The following PGS1 variants were observed in gnomAD, a reference collection of about 807,000 sequenced individuals.
PGS1 encodes the protein CDP-diacylglycerol--glycerol-3-phosphate 3-phosphatidyltransferase, mitochondrial.
Under a neutral mutation model 58.3 loss-of-function variants are expected in PGS1, and 44 were observed. That is an observed-to-expected ratio of 0.75 (90% CI 0.59 to 0.97). The LOEUF is 0.97. Ranked by LOEUF, PGS1 falls within the 50% of genes least tolerant of loss-of-function variation. The pLI, the probability that PGS1 is intolerant of heterozygous loss-of-function variation, is 0.00. For synonymous variants in PGS1, 330 were observed against 311.0 expected, an observed-to-expected ratio of 1.06 and a Z score of -0.64; for missense variants, 684 against 731.1, an observed-to-expected ratio of 0.94 and a Z score of 0.74.
At chr17:78,423,929 C>G (rs775335572) in intron 9 of PGS1, 132 bp from the exon 10 acceptor site, 1 of 1,613,952 alleles carries the variant, frequency 6.2e-7, no homozygotes, top group Admixed American at 1.7e-5. Flanking sequence ...AGCAGCGCCA[C>G]GGCTGCCAGG....
At chr17:78,398,446 C>T (rs892224022) in intron 4 of PGS1, 95 bp downstream of exon 4, 1 of 830,740 alleles carries the variant, frequency 1.2e-6, no homozygotes, top group Admixed American at 2.0e-5. Flanking sequence ...CAGGCAGAGT[C>T]AAGGCTATTT....
At chr17:78,389,916 G>A (rs2082695600) in intron 1 of PGS1, among the ~76,000 whole-genome samples, 1 of 152,198 alleles carries the variant, frequency 6.6e-6, no homozygotes, top group African/African-American at 2.4e-5. Flanking sequence ...GTGCTGGGCT[G>A]CGGCTCTCAG....
intron 9 of PGS1, chr17:78,421,487 C>T (rs753179969): frequency 1.3e-5 from 2 of 152,458 alleles, no homozygotes; most frequent in African/African-American, 4.8e-5. Context: ...CCAGGCAGAC[C>T]TGCAGTTTGA....
At chr17:78,389,485 C>T (rs1266144780) in intron 1 of PGS1, among the ~76,000 whole-genome samples, 2 of 151,720 alleles carry the variant, frequency 1.3e-5, no homozygotes, top group Non-Finnish European at 1.5e-5. Context: ...ATGCCCGGCC[C>T]AATTTTTGTA....
intron 7 of PGS1, among the ~76,000 whole-genome samples, chr17:78,411,575 C>A (rs1461003887): frequency 6.6e-6 from 1 of 152,200 alleles, no homozygotes; most frequent in Non-Finnish European, 1.5e-5. Flanking sequence ...GCAGTCAGTC[C>A]CTTCCCAAAA....
chr17:78,419,355 T>C (rs2085484246), intron 8 of PGS1, among the ~76,000 whole-genome samples, 191 bp from the exon 9 acceptor site: 1 of 152,234 alleles, frequency 6.6e-6, no homozygotes, highest in South Asian at 2.1e-4. Context: ...TTCTAAGGAA[T>C]GTTTGACAGT....
chr17:78,389,178 G>A (rs974420581), intron 1 of PGS1, among the ~76,000 whole-genome samples: 2 of 146,626 alleles, frequency 1.4e-5, no homozygotes, highest in South Asian at 2.2e-4. Flanking sequence ...TTCTGCCTCA[G>A]CCACGGGCGG....
In PGS1 at chr17:78,404,301, T is replaced by TG. The variant is rs1555635104; in HGVS notation, c.1402+213dup. On this transcript the variant is annotated intron_variant, in intron 7 of 9. Transcript: ENST00000262764. ...GGAATTTTTTTTTTTTTTTTTTTTT[T>TG]GTGACAGTCTTGCTCTGTTTCCCAG... Among the ~76,000 whole-genome samples, 181 of 99,176 alleles carry TG rather than the reference T, an allele frequency of 1.8e-3. 1 individual carries two copies. Among genetic ancestry groups the TG allele is most frequent in the African/African-American group, 6.5e-3 (172 of 26,420 alleles). The allele number at this position is 99,176 out of a possible 152,430, so 65.1% of individuals were successfully genotyped here. A position where few individuals can be genotyped will look rare whatever the true frequency, so the allele number is the denominator to read the frequency against.
Position 78,400,736 on chromosome 17 carries a change from A to T in PGS1, c.761A>T (p.Asp254Val). Residue 254 changes from aspartate (D) to valine (V), a missense_variant, in exon 6 of 10, where the codon GAC (aspartate) becomes GTC (valine). Coordinates refer to ENST00000262764, the MANE Select transcript of PGS1 (RefSeq NM_024419.5). The surrounding 1 kb of genome is among the most constrained non-coding windows in gnomAD (Gnocchi z 4.4). ...NRQDRYVFLQ[D>V]CAEIADFFTE... ...CAGGACCGCTACGTGTTCCTGCAGG[A>T]CTGTGCGGAGATTGCCGACTTCTTC... The T allele has an allele frequency of 6.2e-7, 1 of 1,613,968 alleles. No individual in the cohort carries two copies. Among genetic ancestry groups the T allele is most frequent in the Non-Finnish European group, 8.5e-7 (1 of 1,179,956 alleles).
chr17:78,412,770 T>C (rs1173051205), intron 7 of PGS1, among the ~76,000 whole-genome samples: 2 of 152,174 alleles, frequency 1.3e-5, no homozygotes, highest in African/African-American at 4.8e-5. Context: ...CTCAGTGGGC[T>C]CAGGAGATCC....
intron 2 of PGS1, 28 bp from the exon 3 acceptor site, chr17:78,396,280 T>G (rs1567959121): frequency 6.4e-7 from 1 of 1,572,780 alleles, no homozygotes; most frequent in African/African-American, 1.4e-5. Flanking sequence ...ATGATGAATT[T>G]GAATTTTGAA....
chr17:78,393,515 G>A (rs915037011), intron 2 of PGS1, among the ~76,000 whole-genome samples: 5 of 152,176 alleles, frequency 3.3e-5, no homozygotes, highest in African/African-American at 9.7e-5. Context: ...TATCTAGTCT[G>A]TGTATGATGG....
chr17:78,385,590 A>C (rs775756231), intron 1 of PGS1, among the ~76,000 whole-genome samples: 2 of 151,538 alleles, frequency 1.3e-5, no homozygotes, highest in African/African-American at 4.9e-5. Context: ...TGCCTGGCCT[A>C]ATTTTTGTAT....
intron 2 of PGS1, among the ~76,000 whole-genome samples, chr17:78,393,881 A>T (rs1273323309): frequency 7.0e-6 from 1 of 142,332 alleles, no homozygotes; most frequent in East Asian, 2.1e-4. Flanking sequence ...ATTAGCAGTG[A>T]TATTAGAATG....
Position 78,424,476 on chromosome 17 carries a change from CAGAGT to C in PGS1, c.*428_*432del, listed in dbSNP as rs1441698836. 4.0e-5 allele frequency: 13 copies of C among 323,242 alleles called. No individual in the cohort carries two copies. The highest frequency in any genetic ancestry group is 6.9e-5 in the Non-Finnish European group (12 of 173,432). The allele number at this position is 323,242 out of a possible 1,614,324, so 20.0% of individuals were successfully genotyped here. On this transcript the variant is annotated 3_prime_UTR_variant, in exon 10 of 10. Coordinates refer to ENST00000262764, the MANE Select transcript of PGS1 (RefSeq NM_024419.5). ...AAGTCATAACTCCAGCTAAAAATTA[CAGAGT>C]AAAGTTCCCTGATTCTTAATGTGTA...
intron 8 of PGS1, among the ~76,000 whole-genome samples, chr17:78,415,708 AAAG>A (rs1246901066): frequency 2.6e-5 from 4 of 152,200 alleles, no homozygotes; most frequent in African/African-American, 7.2e-5. Flanking sequence ...GAGGGAGATA[AAAG>A]AAGGTTACCA....
At chr17:78,391,874 T>G (rs2082862233) in intron 1 of PGS1, among the ~76,000 whole-genome samples, 1 of 152,226 alleles carries the variant, frequency 6.6e-6, no homozygotes. Flanking sequence ...TCGTCCTGCC[T>G]TGGCCTCCCA....
At chr17:78,406,904 G>A (rs1013940560) in intron 7 of PGS1, among the ~76,000 whole-genome samples, 1 of 152,340 alleles carries the variant, frequency 6.6e-6, no homozygotes, top group African/African-American at 2.4e-5. Context: ...TGTGGCTTCT[G>A]ACTCTGCCAC....
At chr17:78,418,385 C>T (rs550340750) in intron 8 of PGS1, among the ~76,000 whole-genome samples, 15 of 152,282 alleles carry the variant, frequency 9.9e-5, no homozygotes, top group Admixed American at 3.9e-4. Flanking sequence ...GTACAGCGCA[C>T]GGAGGCACAG....
Sources: gnomAD v4.1 joint callset for allele counts (sites outside exome capture counted in the v4.1 genomes callset) on GRCh38, gnomAD v4.1.1 for gene constraint, Gnocchi (gnomAD v3.1) non-coding constraint, MANE v1.5 for transcripts, NCBI Gene and HGNC (gene_info 2026-07-23, HGNC 2026-07-21) for gene names.